XIRP2: variants seen among roughly 807,000 people sequenced by gnomAD.
XIRP2 encodes xin actin-binding repeat-containing protein 2.
In XIRP2, 236 loss-of-function variants were observed where a neutral mutation model predicts 277.0. That is an observed-to-expected ratio of 0.85 (90% confidence interval 0.77 to 0.95). The LOEUF is 0.95. Among genes scored for constraint, XIRP2 ranks in the 40% least tolerant of loss-of-function variants. XIRP2 has a pLI of 0.00. For synonymous variants in XIRP2, 1,490 were observed against 1,416.5 expected (o/e 1.05, Z -1.17); for missense variants, 4,640 against 4,157.5 (o/e 1.12, Z -3.19).
intron 2 of XIRP2, among the ~76,000 whole-genome samples, chr2:167,057,033 C>T (rs2105544519): frequency 6.6e-6 from 1 of 152,220 alleles, no homozygotes; most frequent in South Asian, 2.1e-4. Context: ...AGTTTTACCT[C>T]ACAGAGTTGG....
chr2:167,010,527 G>T (rs1236450959), intron 2 of XIRP2, among the ~76,000 whole-genome samples: 1 of 151,930 alleles, frequency 6.6e-6, no homozygotes, highest in African/African-American at 2.4e-5. Flanking sequence ...TTGTTCTTTT[G>T]GCTTAGGATT....
At chr2:167,052,923 T>C (rs16852917) in intron 2 of XIRP2, among the ~76,000 whole-genome samples, 7,220 of 152,302 alleles carry the variant, frequency 0.047, 258 homozygotes, top group African/African-American at 0.098. Context: ...TTATATGTAG[T>C]TGTAGACATC....
intron 2 of XIRP2, among the ~76,000 whole-genome samples, chr2:167,025,297 A>G (rs199751521): frequency 0.048 from 7,269 of 151,832 alleles, 281 homozygotes; most frequent in South Asian, 0.14. Flanking sequence ...GATCGGTGGT[A>G]ATATCCCCTT....
chr2:167,087,750 C>T (rs1384739855), intron 2 of XIRP2, among the ~76,000 whole-genome samples: 4 of 152,226 alleles, frequency 2.6e-5, no homozygotes, highest in Non-Finnish European at 4.4e-5. Context: ...AAGGGAACTC[C>T]CTGACCCCTT....
intron 2 of XIRP2, among the ~76,000 whole-genome samples, chr2:166,944,383 G>A (rs1685798051): frequency 6.6e-6 from 1 of 152,148 alleles, no homozygotes; most frequent in South Asian, 2.1e-4. Context: ...ATGAAAACCT[G>A]GGAATCTAAA....
At chr2:167,123,594 G>C (rs1270805705) in intron 2 of XIRP2, among the ~76,000 whole-genome samples, 1 of 152,108 alleles carries the variant, frequency 6.6e-6, no homozygotes, top group South Asian at 2.1e-4. Context: ...AGAGCCATAA[G>C]TGAAGAAGCT....
chr2:166,910,214 A>G (rs866494197), intron 2 of XIRP2, among the ~76,000 whole-genome samples: 175 of 152,316 alleles, frequency 1.1e-3, no homozygotes, highest in African/African-American at 4.1e-3. Flanking sequence ...TACCTCTGGT[A>G]GAATTCAGCT....
intron 2 of XIRP2, among the ~76,000 whole-genome samples, chr2:166,922,336 G>T (rs1208155735): frequency 6.6e-6 from 1 of 152,058 alleles, no homozygotes; most frequent in African/African-American, 2.4e-5. Flanking sequence ...TGTAGAAAAT[G>T]TTACATAATA....
At chr2:167,059,430 G>A (rs1410927665) in intron 2 of XIRP2, among the ~76,000 whole-genome samples, 3 of 134,434 alleles carry the variant, frequency 2.2e-5, no homozygotes, top group Non-Finnish European at 4.5e-5. Flanking sequence ...CTTTAAATAG[G>A]GTTAGATTAA....
intron 3 of XIRP2, among the ~76,000 whole-genome samples, chr2:167,189,737 T>G (rs1401093671): frequency 6.6e-6 from 1 of 152,210 alleles, no homozygotes; most frequent in African/African-American, 2.4e-5. Flanking sequence ...TATTAAGTGT[T>G]GTGTCTTTTC....
chr2:167,057,654 C>T (rs144772416), intron 2 of XIRP2, among the ~76,000 whole-genome samples: 176 of 152,174 alleles, frequency 1.2e-3, no homozygotes, highest in Middle Eastern at 3.4e-3. Context: ...CTTGGCATGT[C>T]GACAGTTTAC....
At chr2:167,023,683 GT>G (rs1460502362) in intron 2 of XIRP2, among the ~76,000 whole-genome samples, 1 of 152,080 alleles carries the variant, frequency 6.6e-6, no homozygotes, top group African/African-American at 2.4e-5. Flanking sequence ...TGGCCAGCCA[GT>G]TTTCCCAGCA....
rs200421304 is a variant in XIRP2 at position 167,244,806 on chromosome 2, C to A, written c.3414C>A (p.Thr1138=). The A allele has an allele frequency of 6.2e-7, 1 of 1,613,516 alleles. No individual in the cohort carries two copies. Among genetic ancestry groups the A allele is most frequent in the Non-Finnish European group, 8.5e-7 (1 of 1,179,718 alleles). Residue 1138 remains threonine, a synonymous_variant, in exon 9 of 11, where the codon ACC becomes ACA. Coordinates refer to ENST00000409195, the MANE Select transcript of XIRP2 (RefSeq NM_152381.6). ...TWLFETQPLD[T]IKDDSETAVK... ...TCTTTGAAACTCAGCCACTTGATACCATAAAAGATGACTCTGAAACAGCAG... is the reference window on the plus strand; with the variant it reads ...TCTTTGAAACTCAGCCACTTGATACAATAAAAGATGACTCTGAAACAGCAG...
rs1351425056 is a variant in XIRP2, at chr2:167,245,909, A to C, written c.4517A>C (p.His1506Pro). 2 of 1,613,648 alleles carry C rather than the reference A, an allele frequency of 1.2e-6. No individual in the cohort carries two copies. The highest frequency in any genetic ancestry group is 1.7e-6 in the Non-Finnish European group (2 of 1,179,782). The change falls in exon 9 of 11, where the codon CAT becomes CCT. Residue 1506 changes from histidine to proline, a missense_variant. His to Pro is a moderately conservative substitution (Grantham distance 77). Coordinates refer to ENST00000409195, the MANE Select transcript of XIRP2 (RefSeq NM_152381.6). ...ACTTTCGATTCTATTATGGAAGCAC[A>C]TAAAGGTATCACAAAAATGACCAAG... ...NRTFDSIMEA[H>P]KGITKMTKEE...
In XIRP2 at chr2:167,245,906, C is replaced by T. The variant is rs773530884; in HGVS notation, c.4514C>T (p.Ala1505Val). Residue 1505 changes from alanine (A) to valine (V), a missense_variant, in exon 9 of 11, where the codon GCA becomes GTA. By Grantham distance (64) the Ala-to-Val change is moderately conservative (BLOSUM62 0). Coordinates refer to ENST00000409195, the MANE Select transcript of XIRP2 (RefSeq NM_152381.6). Reference sequence around the variant, plus strand: ...CGAACTTTCGATTCTATTATGGAAGCACATAAAGGTATCACAAAAATGACC... The same window carrying T: ...CGAACTTTCGATTCTATTATGGAAGTACATAAAGGTATCACAAAAATGACC... ...ENRTFDSIMEAHKGITKMTKE... is the reference protein window; with the variant it reads ...ENRTFDSIMEVHKGITKMTKE... 34 of 1,613,620 alleles carry T rather than the reference C, an allele frequency of 2.1e-5. No homozygotes were observed. In the South Asian group the frequency reaches 2.6e-4, roughly 13 times the overall value.
rs3060398 is a variant in XIRP2 at position 166,925,596 on chromosome 2, C to CATATATATATAT, written c.408+21726_408+21737dup. 1.2e-4 allele frequency among the ~76,000 whole-genome samples: 12 copies of CATATATATATAT among 102,446 alleles called. No homozygotes were observed. In the East Asian group the frequency reaches 1.2e-3, roughly 11 times the overall value. The allele number at this position is 102,446 out of a possible 152,430, so 67.2% of individuals were successfully genotyped here. On this transcript the variant is annotated intron_variant, in intron 2 of 10. Transcript: ENST00000409195. ...GTATGTGTGTGTGTATGTGTATATA[C>CATATATATATAT]ATATATATATATATATATATATATA...
At chr2:166,894,988 GAA>G (rs978810716) in intron 1 of XIRP2, among the ~76,000 whole-genome samples, 6 of 152,140 alleles carry the variant, frequency 3.9e-5, no homozygotes, top group African/African-American at 1.2e-4. Flanking sequence ...ACAGGAGAGA[GAA>G]GAGTACTTAC....
chr2:167,089,778 T>A (rs990395904), intron 2 of XIRP2, among the ~76,000 whole-genome samples: 1 of 152,146 alleles, frequency 6.6e-6, no homozygotes, highest in Non-Finnish European at 1.5e-5. Flanking sequence ...ACATTTTTTT[T>A]AAGATAAAGT....
rs760810271 is a variant in XIRP2 at position 167,247,226 on chromosome 2, T to TA, written c.5841dup (p.Asp1948ArgfsTer3). ...AAAGAGGTACATAAAGAAGGTGTAA[T>TA]AAAAAAAGATGCTAAAGCTGTGATG... On this transcript the variant is annotated frameshift_variant, in exon 9 of 11. Coordinates refer to ENST00000409195, the MANE Select transcript of XIRP2 (RefSeq NM_152381.6). LOFTEE classifies it high-confidence loss of function. The TA allele has an allele frequency of 2.4e-5, 39 of 1,613,296 alleles. No individual in the cohort carries two copies. The highest frequency in any genetic ancestry group is 3.1e-5 in the Non-Finnish European group (37 of 1,179,784).
Sources: gnomAD v4.1 joint callset for allele counts (sites outside exome capture counted in the v4.1 genomes callset) on GRCh38, gnomAD v4.1.1 for gene constraint, MANE v1.5 for transcripts, NCBI Gene and HGNC (gene_info 2026-07-23, HGNC 2026-07-21) for gene names.